Variants in IMMP1L observed in about 807,000 individuals in gnomAD.
The protein encoded by IMMP1L is mitochondrial inner membrane protease subunit 1.
A neutral mutation model predicts 21.8 loss-of-function variants in IMMP1L; 24 were observed. The ratio of observed to expected loss-of-function variants is 1.10; its 90% CI spans 0.80 to 1.55. The LOEUF (loss-of-function observed/expected upper bound fraction) is 1.55. Among genes scored for constraint, IMMP1L ranks in the 40% most tolerant of loss-of-function variants. The probability of loss-of-function intolerance (pLI) is 0.00; values close to 1 mark genes in which losing one functional copy is unlikely to be tolerated. For missense variants in IMMP1L, 195 were observed against 200.7 expected (o/e 0.97, Z 0.17); for synonymous variants, 46 against 62.8 (o/e 0.73, Z 1.26).
At chr11:31,497,291 T>C (rs1292803010) in intron 1 of IMMP1L, among the ~76,000 whole-genome samples, 2 of 151,928 alleles carry the variant, frequency 1.3e-5, no homozygotes, top group African/African-American at 4.8e-5. Context: ...AAAAACATTA[T>C]GCTAAGTGAA....
intron 1 of IMMP1L, among the ~76,000 whole-genome samples, chr11:31,508,293 A>G (rs1404476727): frequency 6.6e-6 from 1 of 152,222 alleles, no homozygotes; most frequent in Non-Finnish European, 1.5e-5. Flanking sequence ...GTTCATTTTA[A>G]GTACTATGTT....
intron 4 of IMMP1L, among the ~76,000 whole-genome samples, chr11:31,441,591 TTTTC>T (rs1384226098): frequency 1.3e-5 from 2 of 152,058 alleles, no homozygotes; most frequent in African/African-American, 2.4e-5. Flanking sequence ...GAACAGAACA[TTTTC>T]TTTCTAACTT....
At chr11:31,463,145 T>C in intron 2 of IMMP1L, 27 bp downstream of exon 2, 1 of 1,552,580 alleles carries the variant, frequency 6.4e-7, no homozygotes, top group Non-Finnish European at 8.7e-7. Flanking sequence ...ATATTTAAGA[T>C]GAATATTCTT....
intron 1 of IMMP1L, among the ~76,000 whole-genome samples, chr11:31,483,947 C>T (rs1022031054): frequency 1.3e-5 from 2 of 151,632 alleles, no homozygotes. Context: ...ATTTATAATA[C>T]TTTTTTTCTT....
chr11:31,491,566 T>C (rs934392398), intron 1 of IMMP1L, among the ~76,000 whole-genome samples: 1 of 152,192 alleles, frequency 6.6e-6, no homozygotes, highest in Non-Finnish European at 1.5e-5. Flanking sequence ...TAGACTGTTT[T>C]CTCCGGGCTG....
At chr11:31,448,023 T>TG (rs1953593637) in intron 4 of IMMP1L, among the ~76,000 whole-genome samples, 1 of 152,194 alleles carries the variant, frequency 6.6e-6, no homozygotes. Context: ...AAGACTGTTA[T>TG]AGCACCTGGG....
chr11:31,499,361 T>A (rs1041817062), intron 1 of IMMP1L, among the ~76,000 whole-genome samples: 2 of 121,548 alleles, frequency 1.6e-5, no homozygotes, highest in Non-Finnish European at 3.1e-5. Flanking sequence ...TGAGACTCCG[T>A]ATCAAAAAAC....
intron 1 of IMMP1L, among the ~76,000 whole-genome samples, chr11:31,495,551 C>A (rs754151236): frequency 6.6e-6 from 1 of 152,130 alleles, no homozygotes; most frequent in Non-Finnish European, 1.5e-5. Context: ...GGGAAACTTA[C>A]ACTCATGGCG....
At chr11:31,465,045 G>C (rs1954284274) in intron 1 of IMMP1L, among the ~76,000 whole-genome samples, 1 of 152,050 alleles carries the variant, frequency 6.6e-6, no homozygotes, top group South Asian at 2.1e-4. Flanking sequence ...AAAACCTAAA[G>C]ACTTCACCAA....
rs528610140 is a variant in IMMP1L at position 31,457,184 on chromosome 11, A to G, written c.195-798T>C. On this transcript the variant is annotated intron_variant, in intron 3 of 5. Coordinates refer to ENST00000532287, the MANE Select transcript of IMMP1L (RefSeq NM_001304274.2). ...AAAAAATCAAAAGATACAACAAAAT[A>G]AAATGCTAAAAGCTGCCTAAATATA... is the stretch of plus-strand genomic sequence containing the variant. Among the ~76,000 whole-genome samples the G allele has an allele frequency of 1.6e-3, 243 of 152,204 alleles. 2 individuals carry two copies. Among genetic ancestry groups the G allele is most frequent in the African/African-American group, 5.6e-3 (233 of 41,558 alleles).
intron 1 of IMMP1L, among the ~76,000 whole-genome samples, chr11:31,493,605 C>G (rs959231115): frequency 3.9e-5 from 6 of 152,192 alleles, no homozygotes; most frequent in Admixed American, 6.5e-5. Context: ...TCCCTAAAAT[C>G]TTAGCTCATT....
At chr11:31,508,232 T>C (rs1228052461) in intron 1 of IMMP1L, among the ~76,000 whole-genome samples, 1 of 152,226 alleles carries the variant, frequency 6.6e-6, no homozygotes, top group Non-Finnish European at 1.5e-5. Flanking sequence ...TCTTTTGGTC[T>C]TCCTAGTGCT....
At chr11:31,435,529 AC>A (rs1367372737) in intron 4 of IMMP1L, among the ~76,000 whole-genome samples, 15 of 152,302 alleles carry the variant, frequency 9.8e-5, no homozygotes, top group Admixed American at 3.9e-4. Flanking sequence ...AATGGCAAAA[AC>A]CACAATTACT....
chr11:31,444,907 TAGGAGA>T (rs1257520742), intron 4 of IMMP1L, among the ~76,000 whole-genome samples: 1 of 152,196 alleles, frequency 6.6e-6, no homozygotes, highest in Non-Finnish European at 1.5e-5. Flanking sequence ...AGTCAGAATG[TAGGAGA>T]TGGAGAAGAG....
intron 1 of IMMP1L, among the ~76,000 whole-genome samples, chr11:31,466,188 G>C (rs1304355970): frequency 6.6e-6 from 1 of 152,052 alleles, no homozygotes; most frequent in Non-Finnish European, 1.5e-5. Flanking sequence ...TCAGGGAAAT[G>C]CAAGTCAAAA....
At chr11:31,491,572 GGCT>G (rs1955258007) in intron 1 of IMMP1L, among the ~76,000 whole-genome samples, 2 of 152,138 alleles carry the variant, frequency 1.3e-5, no homozygotes, top group South Asian at 4.1e-4. Flanking sequence ...GTTTTCTCCG[GGCT>G]GCTTACAGTA....
At chr11:31,504,300 AT>A (rs1179767809) in intron 1 of IMMP1L, among the ~76,000 whole-genome samples, 1 of 152,222 alleles carries the variant, frequency 6.6e-6, no homozygotes, top group Non-Finnish European at 1.5e-5. Context: ...TTTGTAATGA[AT>A]TTATTTGGAA....
chr11:31,508,673 T>G (rs1955872690), intron 1 of IMMP1L, among the ~76,000 whole-genome samples: 1 of 152,206 alleles, frequency 6.6e-6, no homozygotes, highest in African/African-American at 2.4e-5. Flanking sequence ...TTGGCTCTAA[T>G]TAAAAGGTAT....
chr11:31,485,348 C>T (rs1955035105), intron 1 of IMMP1L, among the ~76,000 whole-genome samples: 1 of 151,768 alleles, frequency 6.6e-6, no homozygotes, highest in Admixed American at 6.6e-5. Flanking sequence ...TTAAGTAAAT[C>T]ACTTTCAATA....
Sources: gnomAD v4.1 joint callset for allele counts (sites outside exome capture counted in the v4.1 genomes callset) on GRCh38, gnomAD v4.1.1 for gene constraint, MANE v1.5 for transcripts, NCBI Gene and HGNC (gene_info 2026-07-23, HGNC 2026-07-21) for gene names.